ZFHX3: variants seen among roughly 807,000 people sequenced by gnomAD.
ZFHX3 encodes the protein zinc finger homeobox protein 3.
Under a neutral mutation model 279.1 loss-of-function variants are expected in ZFHX3, and 42 were observed. The ratio of observed to expected loss-of-function variants is 0.15; its 90% CI spans 0.12 to 0.19. The LOEUF (loss-of-function observed/expected upper bound fraction) is 0.19, where lower values mean the gene tolerates loss of function less well. ZFHX3 is among the 10% of genes least tolerant of loss of function. ZFHX3 has a pLI of 1.00. For synonymous variants in ZFHX3, 2,293 were observed against 1,957.8 expected (o/e 1.17, Z -4.52); for missense variants, 4,981 against 4,754.0 (o/e 1.05, Z -1.40).
At chr16:72,791,690 C>T (rs1288700855) in intron 9 of ZFHX3, 2 of 152,210 alleles carry the variant, frequency 1.3e-5, no homozygotes, top group East Asian at 1.9e-4. Flanking sequence ...TCCTGGGCTG[C>T]AGGGGTAATT....
At chr16:72,909,514 CTTTCTCTCACACACACCCTCTTAA>C (rs1480853332) in intron 3 of ZFHX3, among the ~76,000 whole-genome samples, 381 of 152,290 alleles carry the variant, frequency 2.5e-3, no homozygotes, top group Middle Eastern at 0.014. Flanking sequence ...TATACATTAT[CTTTCTCTCACACACACCCTCTTAA>C]ACACACTCTT....
intron 3 of ZFHX3, among the ~76,000 whole-genome samples, chr16:73,337,681 C>G (rs910887434): frequency 6.6e-6 from 1 of 151,944 alleles, no homozygotes; most frequent in Non-Finnish European, 1.5e-5. Flanking sequence ...GCTGGCCTCT[C>G]TGCTGCTTGA....
chr16:73,513,939 G>A (rs1179552829), intron 2 of ZFHX3, among the ~76,000 whole-genome samples: 1 of 152,108 alleles, frequency 6.6e-6, no homozygotes, highest in Non-Finnish European at 1.5e-5. Context: ...GGTTGGTAAC[G>A]CAGAAGAAGG....
intron 5 of ZFHX3, among the ~76,000 whole-genome samples, chr16:73,183,050 C>T (rs1354532482): frequency 6.6e-6 from 1 of 152,050 alleles, no homozygotes; most frequent in African/African-American, 2.4e-5. Flanking sequence ...ACTAAAAATA[C>T]AAAATTTAGC....
At chr16:73,550,830 C>G (rs779898353) in intron 2 of ZFHX3, among the ~76,000 whole-genome samples, 1 of 152,184 alleles carries the variant, frequency 6.6e-6, no homozygotes, top group African/African-American at 2.4e-5. Context: ...CCAGGGCAGT[C>G]TTCTGAAAGG....
At chr16:73,148,916 C>T (rs892325841) in intron 5 of ZFHX3, among the ~76,000 whole-genome samples, 2 of 151,750 alleles carry the variant, frequency 1.3e-5, no homozygotes, top group African/African-American at 4.8e-5. Context: ...CGCTGCACTC[C>T]AGCCTAGGCG....
chr16:72,922,669 C>T (rs1307713627), intron 3 of ZFHX3, among the ~76,000 whole-genome samples: 1 of 152,196 alleles, frequency 6.6e-6, no homozygotes, highest in Non-Finnish European at 1.5e-5. Flanking sequence ...TCTCTTCGTA[C>T]CTGGCTTTCT....
intron 3 of ZFHX3, among the ~76,000 whole-genome samples, chr16:73,375,089 C>T (rs1422194571): frequency 6.6e-6 from 1 of 152,174 alleles, no homozygotes; most frequent in African/African-American, 2.4e-5. Context: ...TTCTCTTCTT[C>T]CTCCTTTTTA....
chr16:73,199,549 T>C (rs1412671178), intron 5 of ZFHX3, among the ~76,000 whole-genome samples: 1 of 152,264 alleles, frequency 6.6e-6, no homozygotes, highest in Non-Finnish European at 1.5e-5. Flanking sequence ...TTCACTCCAG[T>C]ACTATTTCAT....
In ZFHX3 at chr16:73,546,671, T is replaced by TTGCTGCTGC. The variant is rs57427757; in HGVS notation, c.-1546-90422_-1546-90414dup. ...TGAGAAAAAGCTTTGGGTGCTGCTG[T>TTGCTGCTGC]TGCTGCTGCTGCTGCTGCTGCTGCT... On this transcript the variant is annotated intron_variant, in intron 2 of 17. Transcript: ENST00000641206. 8.9e-3 allele frequency among the ~76,000 whole-genome samples: 1,271 copies of TTGCTGCTGC among 143,510 alleles called. 16 individuals carry two copies. The highest frequency in any genetic ancestry group is 0.012 in the Non-Finnish European group (802 of 65,746). The allele number at this position is 143,510 out of a possible 152,430, so 94.1% of individuals were successfully genotyped here.
At chr16:72,891,590 G>C (rs1354407166) in intron 3 of ZFHX3, among the ~76,000 whole-genome samples, 2 of 152,152 alleles carry the variant, frequency 1.3e-5, no homozygotes, top group Non-Finnish European at 2.9e-5. Flanking sequence ...TGAAGCAAGG[G>C]AAACACTCCC....
intron 1 of ZFHX3, among the ~76,000 whole-genome samples, chr16:73,822,186 C>T (rs1960763580): frequency 6.6e-6 from 1 of 152,192 alleles, no homozygotes; most frequent in Admixed American, 6.5e-5. Flanking sequence ...TGTGTGTGGC[C>T]TTCTGGCATC....
chr16:72,975,639 A>C (rs1254412781), intron 1 of ZFHX3, among the ~76,000 whole-genome samples: 1 of 152,176 alleles, frequency 6.6e-6, no homozygotes, highest in East Asian at 1.9e-4. Flanking sequence ...CACTTCAAAG[A>C]GCGGCCCTGA....
At position 72,795,696 on chromosome 16, in the gene ZFHX3, T is replaced by C. The variant is rs1394970712; in HGVS notation, c.6986A>G (p.Gln2329Arg). 2.5e-6 allele frequency: 4 copies of C among 1,614,064 alleles called. No individual in the cohort carries two copies. Among genetic ancestry groups the C allele is most frequent in the Non-Finnish European group, 3.4e-6 (4 of 1,180,048 alleles). ...RYIRTSNLNY[Q>R]CKKCSLVFQR... ...AAACACCAGGCTACATTTTTTGCAC[T>C]GGTAGTTCAAGTTGCTTGTTCGAAT... Residue 2329 changes from glutamine (Q) to arginine (R), a missense_variant, in exon 9 of 10, where the codon CAG (glutamine) becomes CGG (arginine). This residue lies in a region of ZFHX3 where 177 missense variants were observed against 244.2 expected (regional missense o/e 0.72). Coordinates refer to ENST00000268489, the MANE Select transcript of ZFHX3 (RefSeq NM_006885.4).
chr16:73,280,747 C>T (rs966675313), intron 4 of ZFHX3, among the ~76,000 whole-genome samples: 4 of 151,582 alleles, frequency 2.6e-5, no homozygotes, highest in African/African-American at 9.7e-5. Context: ...TTTGGGAGGC[C>T]GAGGCAGGCG....
chr16:73,751,250 C>G (rs2053759333), intron 1 of ZFHX3, among the ~76,000 whole-genome samples: 1 of 152,154 alleles, frequency 6.6e-6, no homozygotes, highest in African/African-American at 2.4e-5. Context: ...AATGTTTATT[C>G]AACAAGTACT....
At chr16:73,105,551 A>G (rs1966293394) in intron 7 of ZFHX3, among the ~76,000 whole-genome samples, 2 of 151,570 alleles carry the variant, frequency 1.3e-5, no homozygotes, top group African/African-American at 4.9e-5. Context: ...CAGGAGTTTC[A>G]AGACCCGCCT....
intron 3 of ZFHX3, among the ~76,000 whole-genome samples, chr16:73,333,313 T>C (rs1165261914): frequency 6.6e-6 from 1 of 151,600 alleles, no homozygotes; most frequent in Non-Finnish European, 1.5e-5. Context: ...CATAAATACA[T>C]AGATATATAG....
intron 7 of ZFHX3, among the ~76,000 whole-genome samples, chr16:73,105,534 T>C (rs1966293294): frequency 6.6e-6 from 1 of 151,516 alleles, no homozygotes; most frequent in Non-Finnish European, 1.5e-5. Context: ...GGCGGATCAC[T>C]TGAGGTCAGG....
Sources: allele counts gnomAD v4.1 joint callset (sites outside exome capture counted in the v4.1 genomes callset), GRCh38; gene constraint gnomAD v4.1.1; regional missense constraint gnomAD v4.1.1; transcripts MANE v1.5; gene names NCBI Gene and HGNC (gene_info 2026-07-23, HGNC 2026-07-21).